PCDH15: variants seen among roughly 807,000 people sequenced by gnomAD.
PCDH15 encodes protocadherin-15.
Under a neutral mutation model 178.5 loss-of-function variants are expected in PCDH15, and 129 were observed. The observed-to-expected ratio is 0.72, with a 90% CI of 0.63 to 0.84. The LOEUF (loss-of-function observed/expected upper bound fraction) is 0.84. Among genes scored for constraint, PCDH15 ranks in the 40% least tolerant of loss-of-function variants. The probability of loss-of-function intolerance (pLI) is 0.00; values close to 1 mark genes in which losing one functional copy is unlikely to be tolerated. For missense variants in PCDH15, 2,230 were observed against 2,099.9 expected, an observed-to-expected ratio of 1.06 and a Z score of -1.21; for synonymous variants, 800 against 732.0, an observed-to-expected ratio of 1.09 and a Z score of -1.50.
intron 2 of PCDH15, among the ~76,000 whole-genome samples, chr10:54,574,307 C>T (rs934021073): frequency 6.6e-6 from 1 of 150,572 alleles, no homozygotes; most frequent in African/African-American, 2.4e-5. Context: ...GCTTGTTTTT[C>T]TCAGGTTTGT....
intron 3 of PCDH15, among the ~76,000 whole-genome samples, chr10:54,484,827 T>C (rs1043157377): frequency 6.6e-6 from 1 of 151,950 alleles, no homozygotes; most frequent in Non-Finnish European, 1.5e-5. Flanking sequence ...CCTTGTTTGA[T>C]AGTGTTAACT....
At chr10:54,405,124 C>A (rs1175632196) in intron 3 of PCDH15, among the ~76,000 whole-genome samples, 1 of 152,032 alleles carries the variant, frequency 6.6e-6, no homozygotes, top group Non-Finnish European at 1.5e-5. Context: ...AACAGAAATA[C>A]CATCCGACCC....
chr10:55,204,681 C>T (rs538693858), intron 1 of PCDH15, among the ~76,000 whole-genome samples: 3 of 152,038 alleles, frequency 2.0e-5, no homozygotes, highest in Admixed American at 2.0e-4. Context: ...GAATGCACAA[C>T]TTTTGTGGAC....
intron 3 of PCDH15, among the ~76,000 whole-genome samples, chr10:54,412,131 G>A (rs1033418269): frequency 6.6e-6 from 1 of 151,680 alleles, no homozygotes; most frequent in African/African-American, 2.4e-5. Flanking sequence ...AATAGATGGA[G>A]GAACTGACAA....
intron 32 of PCDH15, chr10:53,822,187 T>G: frequency 6.2e-7 from 1 of 1,614,064 alleles, no homozygotes; most frequent in Non-Finnish European, 8.5e-7. Context: ...GTCGTGCATT[T>G]AACACCTGTT....
chr10:54,758,694 A>T (rs1163763490), intron 1 of PCDH15, among the ~76,000 whole-genome samples: 1 of 152,190 alleles, frequency 6.6e-6, no homozygotes, highest in Non-Finnish European at 1.5e-5. Flanking sequence ...AAAAGCTTGG[A>T]TGATACCCTT....
At chr10:54,799,977 T>C (rs1169220336) in intron 1 of PCDH15, among the ~76,000 whole-genome samples, 1 of 152,184 alleles carries the variant, frequency 6.6e-6, no homozygotes, top group African/African-American at 2.4e-5. Flanking sequence ...TTCTCTAATG[T>C]TAAGCAACAT....
chr10:54,335,719 A>G (rs970539955), intron 6 of PCDH15, among the ~76,000 whole-genome samples: 2 of 152,060 alleles, frequency 1.3e-5, no homozygotes, highest in African/African-American at 4.8e-5. Context: ...TTTTCTTTAT[A>G]CATTACCCAG....
intron 1 of PCDH15, among the ~76,000 whole-genome samples, chr10:54,774,725 G>A (rs1380126049): frequency 1.3e-5 from 2 of 152,050 alleles, no homozygotes; most frequent in Non-Finnish European, 2.9e-5. Flanking sequence ...AAACCTAAAT[G>A]TCAAAACTTA....
intron 1 of PCDH15, among the ~76,000 whole-genome samples, chr10:55,177,529 C>T (rs1839527373): frequency 1.3e-5 from 2 of 152,176 alleles, no homozygotes; most frequent in African/African-American, 4.8e-5. Context: ...TGCCTCTGGG[C>T]AGTTGCAGTG....
At chr10:55,603,101 C>T (rs1302482483) in intron 2 of PCDH15, among the ~76,000 whole-genome samples, 1 of 152,030 alleles carries the variant, frequency 6.6e-6, no homozygotes, top group Admixed American at 6.6e-5. Flanking sequence ...GCAGAAGCCT[C>T]AGGAGCCGAA....
intron 27 of PCDH15, among the ~76,000 whole-genome samples, chr10:53,863,845 T>C (rs181308874): frequency 3.2e-4 from 48 of 152,184 alleles, no homozygotes; most frequent in African/African-American, 1.2e-3. Context: ...ACAGAATTCA[T>C]CTAAAGGAGC....
At chr10:54,243,380 G>A (rs111907396) in intron 8 of PCDH15, among the ~76,000 whole-genome samples, 6,321 of 152,088 alleles carry the variant, frequency 0.042, 415 homozygotes, top group African/African-American at 0.14. Context: ...GGTGGCGGGC[G>A]CCTGTAGTCA....
rs149659721 is a variant in PCDH15 at position 55,296,532 on chromosome 10, C to T, written c.-156+23067G>A. 1.8e-4 allele frequency among the ~76,000 whole-genome samples: 28 copies of T among 152,188 alleles called. No homozygotes were observed. The East Asian group carries it at 4.6e-3, about 25-fold the overall frequency. On this transcript the variant is annotated intron_variant, in intron 1 of 5. Coordinates refer to the PCDH15 transcript ENST00000458638. The stretch of plus-strand genomic sequence containing the variant: ...AAGCTCTTGTGTTAGGAACCTGGGA[C>T]GAAGACCAAGTATTATAACAAAAGA...
chr10:54,000,109 C>T (rs1018054227), intron 20 of PCDH15, among the ~76,000 whole-genome samples: 1 of 152,294 alleles, frequency 6.6e-6, no homozygotes, highest in East Asian at 1.9e-4. Context: ...TAAGAGTCTG[C>T]CAAGAACCAC....
intron 15 of PCDH15, among the ~76,000 whole-genome samples, chr10:54,122,497 C>T (rs1043446866): frequency 6.6e-6 from 1 of 151,680 alleles, no homozygotes; most frequent in Admixed American, 6.6e-5. Context: ...TTCAGGACAA[C>T]ACTGGAAGTG....
In PCDH15 at chr10:55,019,337, TTTTG is replaced by T. The variant is rs368409880; in HGVS notation, c.-79-121841_-79-121838del. On this transcript the variant is annotated intron_variant, in intron 2 of 5. Transcript: ENST00000458638. ...TAATACAACATTTGAACTCATGTGT[TTTTG>T]TTTGTTTGTTTGTTTGTTTTTAACA... Among the ~76,000 whole-genome samples, 947 of 152,230 alleles carry T rather than the reference TTTTG, an allele frequency of 6.2e-3. 10 individuals carry two copies. Among genetic ancestry groups the T allele is most frequent in the African/African-American group, 0.022 (902 of 41,544 alleles).
rs141840788 is a variant in PCDH15, at chr10:54,789,703, G to C, written c.-29+11222C>G. 2.4e-3 allele frequency among the ~76,000 whole-genome samples: 367 copies of C among 151,970 alleles called. 2 individuals are homozygous for C. The highest frequency in any genetic ancestry group is 3.8e-3 in the Non-Finnish European group (256 of 67,894). On this transcript the variant is annotated intron_variant, in intron 1 of 37. Coordinates refer to ENST00000644397, the MANE Select transcript of PCDH15 (RefSeq NM_001384140.1). The stretch of plus-strand genomic sequence containing the variant: ...CCCACAATCACCTTTTCTTAATTTT[G>C]AAGTGCAAATATGTGAGTTTAAGAT...
intron 25 of PCDH15, among the ~76,000 whole-genome samples, chr10:53,924,933 G>A (rs576620139): frequency 6.6e-6 from 1 of 152,266 alleles, no homozygotes; most frequent in South Asian, 2.1e-4. Context: ...GAGAACTTTT[G>A]CGTCTAGCTC....
Sources: allele counts gnomAD v4.1 joint callset (sites outside exome capture counted in the v4.1 genomes callset), GRCh38; gene constraint gnomAD v4.1.1; transcripts MANE v1.5; gene names NCBI Gene and HGNC (gene_info 2026-07-23, HGNC 2026-07-21).